Variants in SEC23IP observed in about 807,000 individuals in gnomAD.
SEC23IP encodes the protein SEC23 interacting protein, also known as SEC23-interacting protein.
In SEC23IP, 70 loss-of-function variants were observed where a neutral mutation model predicts 113.4. The ratio of observed to expected loss-of-function variants is 0.62; its 90% confidence interval spans 0.51 to 0.75. The LOEUF is 0.75. Ranked by LOEUF, SEC23IP falls within the 30% of genes least tolerant of loss-of-function variation. The pLI is 0.00. For missense variants in SEC23IP, 1,160 were observed against 1,204.9 expected, an observed-to-expected ratio of 0.96 and a Z score of 0.55; for synonymous variants, 398 against 421.0, an observed-to-expected ratio of 0.95 and a Z score of 0.67.
intron 4 of SEC23IP, 68 bp downstream of exon 4, chr10:119,904,345 C>A: frequency 7.5e-7 from 1 of 1,335,636 alleles, no homozygotes; most frequent in Non-Finnish European, 1.1e-6. Context: ...TGGTGAGTAA[C>A]ATCATTCACA....
rs1440957141 is a variant in SEC23IP at position 119,933,735 on chromosome 10, A to C, written c.2971A>C (p.Met991Leu). The change falls in exon 18 of 19, where the codon ATG becomes CTG. Residue 991 changes from methionine to leucine, a missense_variant. Transcript: ENST00000369075. ...ACTACTTAAAGAAATTTATCGAACA[A>C]TGAACATTAGTCCAGAACAGCCCCA... ...LLLLKEIYRT[M>L]NISPEQPQH 6.3e-7 allele frequency: 1 copy of C among 1,596,954 alleles called. No homozygotes were observed. Among genetic ancestry groups the C allele is most frequent in the African/African-American group, 1.3e-5 (1 of 74,622 alleles).
chr10:119,893,047 C>G (rs917918030), intron 1 of SEC23IP, 102 bp downstream of exon 1: 1 of 1,292,344 alleles, frequency 7.7e-7, no homozygotes, highest in Admixed American at 2.3e-5. Context: ...GAGCTACCCT[C>G]TGGATAGCTT....
At chr10:119,937,400 C>T (rs1025656332) in intron 18 of SEC23IP, among the ~76,000 whole-genome samples, 4 of 151,632 alleles carry the variant, frequency 2.6e-5, no homozygotes, top group South Asian at 2.1e-4. Context: ...CCGAGGTGGA[C>T]GGATCACCTG....
Position 119,943,323 on chromosome 10 carries a change from T to A in SEC23IP, c.*2758T>A, listed in dbSNP as rs1856006554. On this transcript the variant is annotated 3_prime_UTR_variant, in exon 19 of 19. Coordinates refer to ENST00000369075, the MANE Select transcript of SEC23IP (RefSeq NM_007190.4). ...TCTATGAGCTGGGGTGCTGACATTG[T>A]GTTCCTGCTGTTGACTGTCCCTGCG... 2 of 152,234 alleles carry A rather than the reference T, an allele frequency of 1.3e-5. No individual in the cohort carries two copies. Among genetic ancestry groups the A allele is most frequent in the South Asian group, 4.1e-4 (2 of 4,840 alleles). The allele number at this position is 152,234 out of a possible 1,614,324, so 9.4% of individuals were successfully genotyped here.
intron 12 of SEC23IP, among the ~76,000 whole-genome samples, chr10:119,923,604 A>G (rs1855321069): frequency 1.3e-5 from 2 of 150,834 alleles, no homozygotes; most frequent in South Asian, 4.2e-4. Flanking sequence ...GCTGGAGTGC[A>G]GTGGCACGAT....
In SEC23IP at chr10:119,944,471, G is replaced by T. The variant is rs1022160163; in HGVS notation, c.*3906G>T. 1 of 152,276 alleles carries T rather than the reference G, an allele frequency of 6.6e-6. No homozygotes were observed. The highest frequency in any genetic ancestry group is 1.5e-5 in the Non-Finnish European group (1 of 68,112). 9.4% of individuals were successfully genotyped at this position (152,276 alleles called of 1,614,324 possible). On this transcript the variant is annotated 3_prime_UTR_variant, in exon 19 of 19. Coordinates refer to ENST00000369075, the MANE Select transcript of SEC23IP (RefSeq NM_007190.4). The stretch of plus-strand genomic sequence containing the variant: ...ATACAGTCAGGGACCTAAAAGACAG[G>T]TAAAGAGATGTGGCCAGGTGAAGAC...
chr10:119,926,611 C>T (rs1855433284), intron 13 of SEC23IP, among the ~76,000 whole-genome samples: 2 of 152,192 alleles, frequency 1.3e-5, no homozygotes, highest in Non-Finnish European at 2.9e-5. Flanking sequence ...ACTCATAATT[C>T]TTCCCTTGGG....
intron 1 of SEC23IP, 165 bp from the exon 2 acceptor site, chr10:119,898,262 C>G (rs1161026570): frequency 9.0e-6 from 11 of 1,226,268 alleles, no homozygotes; most frequent in East Asian, 5.9e-5. Flanking sequence ...TTCTAAGAAG[C>G]AAGTTTTCAA....
chr10:119,915,228 T>C (rs1855010412), intron 7 of SEC23IP, among the ~76,000 whole-genome samples: 1 of 152,252 alleles, frequency 6.6e-6, no homozygotes, highest in African/African-American at 2.4e-5. Context: ...TTCGTATTTA[T>C]TGAATATTTG....
chr10:119,907,067 C>T lies in SEC23IP; in HGVS notation c.1102-1974C>T, dbSNP rs201058459. On this transcript the variant is annotated intron_variant, in intron 4 of 18. Coordinates refer to ENST00000369075, the MANE Select transcript of SEC23IP (RefSeq NM_007190.4). ...AATCCCAGCACTTTGGAGGCCGAGG[C>T]GGGCTGATTGCTTGAGATTAGGATT... 1.9e-4 allele frequency among the ~76,000 whole-genome samples: 28 copies of T among 150,242 alleles called. No homozygotes were observed. The East Asian group carries it at 5.0e-3, about 27-fold the overall frequency.
intron 1 of SEC23IP, among the ~76,000 whole-genome samples, chr10:119,897,771 G>A (rs1854325086): frequency 6.6e-6 from 1 of 152,134 alleles, no homozygotes; most frequent in South Asian, 2.1e-4. Flanking sequence ...GCCAAGGCAG[G>A]CAGATCACTT....
chr10:119,911,932 T>C, intron 5 of SEC23IP, 112 bp from the exon 6 acceptor site: 1 of 1,318,092 alleles, frequency 7.6e-7, no homozygotes, highest in Non-Finnish European at 1.1e-6. Context: ...GTACTAATAA[T>C]TTATAAACTC....
intron 6 of SEC23IP, among the ~76,000 whole-genome samples, chr10:119,912,622 G>A (rs911645982): frequency 6.7e-6 from 1 of 149,072 alleles, no homozygotes; most frequent in Non-Finnish European, 1.5e-5. Flanking sequence ...TTTCTCCTAG[G>A]TATTTTTCTT....
intron 13 of SEC23IP, 47 bp from the exon 14 acceptor site, chr10:119,929,559 AG>A (rs1239377358): frequency 1.3e-6 from 2 of 1,527,230 alleles, no homozygotes; most frequent in South Asian, 2.3e-5. Flanking sequence ...ATTTTCTACT[AG>A]GTGACATTGG....
chr10:119,931,271 C>CAA (rs71019733), intron 15 of SEC23IP, among the ~76,000 whole-genome samples: 71 of 93,426 alleles, frequency 7.6e-4, no homozygotes, highest in African/African-American at 2.6e-3. Context: ...GACTCCGTCT[C>CAA]AAAAAAAAAA....
chr10:119,938,430 T>G (rs1855865629), intron 18 of SEC23IP, among the ~76,000 whole-genome samples: 1 of 152,164 alleles, frequency 6.6e-6, no homozygotes, highest in Non-Finnish European at 1.5e-5. Flanking sequence ...GTTGCTTGCT[T>G]TTATCCCTCA....
At chr10:119,896,776 GTT>G (rs112744838) in intron 1 of SEC23IP, among the ~76,000 whole-genome samples, 4 of 145,404 alleles carry the variant, frequency 2.8e-5, no homozygotes, top group African/African-American at 1.0e-4. Context: ...ATACCACTGA[GTT>G]TTTTTTTTTT....
chr10:119,912,545 GAAGT>G (rs1158375788), intron 6 of SEC23IP, among the ~76,000 whole-genome samples: 2 of 152,034 alleles, frequency 1.3e-5, no homozygotes. Context: ...TGATGAAATT[GAAGT>G]AAGTATTATG....
chr10:119,915,606 C>A, intron 7 of SEC23IP, 142 bp from the exon 8 acceptor site: 1 of 600,382 alleles, frequency 1.7e-6, no homozygotes, highest in Non-Finnish European at 2.5e-6. Context: ...AAAAATTTTA[C>A]TAATTCTCTT....
Sources: gnomAD v4.1 joint callset for allele counts (sites outside exome capture counted in the v4.1 genomes callset) on GRCh38, gnomAD v4.1.1 for gene constraint, MANE v1.5 for transcripts, NCBI Gene and HGNC (gene_info 2026-07-23, HGNC 2026-07-21) for gene names.